The following GLB1 variants were observed in gnomAD, a reference collection of about 807,000 sequenced individuals.
GLB1 encodes galactosidase beta 1.
GLB1 carries 56 observed loss-of-function variants against 74.0 expected under a neutral mutation model. The observed-to-expected ratio is 0.76, with a 90% CI of 0.61 to 0.94. The LOEUF is 0.94. GLB1 is among the 40% of genes least tolerant of loss of function. GLB1 has a pLI of 0.00. For synonymous variants in GLB1, 323 were observed against 323.6 expected (o/e 1.00, Z 0.02); for missense variants, 787 against 845.5 (o/e 0.93, Z 0.86).
At chr3:33,063,679 G>A (rs1311658717) in intron 5 of GLB1, among the ~76,000 whole-genome samples, 2 of 152,186 alleles carry the variant, frequency 1.3e-5, no homozygotes, top group Non-Finnish European at 1.5e-5. Flanking sequence ...GGCATCAAAA[G>A]AGGGTTTGCA....
chr3:33,070,353 G>C (rs1293653939), intron 2 of GLB1, among the ~76,000 whole-genome samples: 2 of 152,010 alleles, frequency 1.3e-5, no homozygotes, highest in African/African-American at 4.8e-5. Context: ...TTTCTAAACT[G>C]TCTATAGAGA....
chr3:33,046,983 C>T (rs1452504313), intron 9 of GLB1, among the ~76,000 whole-genome samples: 3 of 152,160 alleles, frequency 2.0e-5, no homozygotes, highest in Admixed American at 6.5e-5. Flanking sequence ...AGGGATAGCC[C>T]ACATCCAACA....
chr3:33,059,584 A>G (rs1254180282), intron 5 of GLB1, among the ~76,000 whole-genome samples: 1 of 152,248 alleles, frequency 6.6e-6, no homozygotes, highest in Non-Finnish European at 1.5e-5. Context: ...GTCTGAGTAC[A>G]CACATAGGTG....
chr3:33,094,448 T>C, intron 1 of GLB1: 1 of 1,028,602 alleles, frequency 9.7e-7, no homozygotes, highest in East Asian at 3.2e-5. Flanking sequence ...TACTTTATTA[T>C]TCAAAAAGAA....
At chr3:32,994,758 T>C (rs1357970608), downstream of GLB1, among the ~76,000 whole-genome samples, 2 of 151,858 alleles carry the variant, frequency 1.3e-5, no homozygotes, top group Non-Finnish European at 2.9e-5. Context: ...CCGTCTCTGC[T>C]AAAAATACAA....
At chr3:32,977,141 A>T in the GLB1 span, among the ~76,000 whole-genome samples, 1 of 152,048 alleles carries the variant, frequency 6.6e-6, no homozygotes, top group Non-Finnish European at 1.5e-5. Flanking sequence ...TGAGGAAACC[A>T]TGAGAAAGTG....
chr3:33,080,325 C>T (rs536973635), intron 1 of GLB1, among the ~76,000 whole-genome samples: 7 of 152,160 alleles, frequency 4.6e-5, no homozygotes, highest in South Asian at 2.1e-4. Flanking sequence ...GGTAATCCGC[C>T]GCCTCGGCTT....
rs747589996 is a variant in GLB1 at position 32,997,096 on chromosome 3, G to A, written c.1983C>T (p.Leu661=). The A allele has an allele frequency of 6.2e-6, 10 of 1,614,046 alleles. No homozygotes were observed. Among genetic ancestry groups the A allele is most frequent in the Non-Finnish European group, 8.5e-6 (10 of 1,180,042 alleles). The part of the protein sequence containing the change: ...DHPSKPVEKR[L]MPPPPQKNKD... ...TGTTTTTTTGCGGGGGTGGGGGCAT[G>A]AGTCTTTTTTCAACAGGTTTGGAGG... is the stretch of plus-strand genomic sequence containing the variant. Residue 661 remains leucine (L), a synonymous_variant, in exon 16 of 16, where the codon CTC becomes CTT. Transcript: ENST00000307363.
intron 15 of GLB1, among the ~76,000 whole-genome samples, chr3:33,008,821 T>A (rs923748649): frequency 6.6e-6 from 1 of 151,966 alleles, no homozygotes. Context: ...TGATGACTCT[T>A]AAAAAAAGAT....
the GLB1 span, among the ~76,000 whole-genome samples, chr3:32,966,389 G>A: frequency 6.6e-6 from 1 of 152,186 alleles, no homozygotes; most frequent in Non-Finnish European, 1.5e-5. Flanking sequence ...CTTGCATGGA[G>A]CCTGTAGCCC....
chr3:33,020,600 C>T (rs1420045803), intron 12 of GLB1, among the ~76,000 whole-genome samples: 1 of 152,100 alleles, frequency 6.6e-6, no homozygotes, highest in Non-Finnish European at 1.5e-5. Flanking sequence ...GAGAGAGAGA[C>T]TTAGGAACAG....
chr3:33,074,124 G>C (rs1025542279), intron 1 of GLB1, among the ~76,000 whole-genome samples: 5 of 151,060 alleles, frequency 3.3e-5, no homozygotes, highest in African/African-American at 1.2e-4. Context: ...TGGATCACGA[G>C]GTCAGGAGAT....
chr3:33,035,437 A>T (rs1575433673), intron 10 of GLB1, among the ~76,000 whole-genome samples: 1 of 152,224 alleles, frequency 6.6e-6, no homozygotes, highest in Middle Eastern at 3.4e-3. Context: ...GTCTCAAAAA[A>T]AAAAGGTGAT....
At chr3:33,064,791 A>AAG (rs1161009083) in intron 5 of GLB1, among the ~76,000 whole-genome samples, 1 of 151,200 alleles carries the variant, frequency 6.6e-6, no homozygotes, top group African/African-American at 2.4e-5. Context: ...AAAAAAAAAA[A>AAG]AAAAAAAGAG....
chr3:33,046,839 G>A (rs759439019), intron 9 of GLB1, among the ~76,000 whole-genome samples: 2 of 152,150 alleles, frequency 1.3e-5, no homozygotes, highest in Non-Finnish European at 2.9e-5. Flanking sequence ...TGCACCTCTT[G>A]GATCCCCCTT....
intron 15 of GLB1, among the ~76,000 whole-genome samples, chr3:32,997,611 T>C (rs1395223674): frequency 6.6e-6 from 1 of 152,030 alleles, no homozygotes; most frequent in African/African-American, 2.4e-5. Context: ...TTCAGGAAAA[T>C]ACAGGTTTGG....
At chr3:33,085,486 A>AT (rs113791194) in intron 1 of GLB1, among the ~76,000 whole-genome samples, 4 of 151,788 alleles carry the variant, frequency 2.6e-5, no homozygotes, top group Admixed American at 6.6e-5. Context: ...TACACTTATG[A>AT]TTTTTTTTCT....
chr3:33,067,531 T>G (rs1253374617), intron 4 of GLB1, among the ~76,000 whole-genome samples: 2 of 152,114 alleles, frequency 1.3e-5, no homozygotes, highest in Non-Finnish European at 2.9e-5. Context: ...TCCCTCCACT[T>G]TGGCCTCCCA....
At chr3:33,000,852 T>C (rs1028113058) in intron 15 of GLB1, among the ~76,000 whole-genome samples, 4 of 152,216 alleles carry the variant, frequency 2.6e-5, no homozygotes, top group African/African-American at 4.8e-5. Flanking sequence ...CAGTCTTCCA[T>C]TTCTCTCTAT....
Sources: allele counts gnomAD v4.1 joint callset (sites outside exome capture counted in the v4.1 genomes callset), GRCh38; gene constraint gnomAD v4.1.1; transcripts MANE v1.5; gene names NCBI Gene and HGNC (gene_info 2026-07-23, HGNC 2026-07-21).